SOX5: variants seen among roughly 807,000 people sequenced by gnomAD.
The protein encoded by SOX5 is SRY-box transcription factor 5.
In SOX5, 9 loss-of-function variants were observed where a neutral mutation model predicts 92.0. The ratio of observed to expected loss-of-function variants is 0.10; its 90% confidence interval spans 0.06 to 0.17. SOX5 has a LOEUF of 0.17. Among genes scored for constraint, SOX5 ranks in the 10% least tolerant of loss-of-function variants. The pLI is 1.00. For missense variants in SOX5, 642 were observed against 944.5 expected (o/e 0.68, Z 4.20); for synonymous variants, 344 against 336.3 (o/e 1.02, Z -0.25).
chr12:23,659,130 T>G (rs889069185), intron 7 of SOX5, among the ~76,000 whole-genome samples: 3 of 152,248 alleles, frequency 2.0e-5, no homozygotes, highest in Non-Finnish European at 4.4e-5. Context: ...CTGACACCGT[T>G]AAATCAGAAA....
rs1396929443 is a variant in SOX5, at chr12:24,088,489, A to C, written c.-2+124854T>G. 4.6e-5 allele frequency among the ~76,000 whole-genome samples: 7 copies of C among 152,066 alleles called. No homozygotes were observed. The East Asian group carries it at 1.3e-3, about 29-fold the overall frequency. ...TTTTCAATCAATAAAAGATAATAAA[A>C]TATTGATTGGTGAACAAGAGAAGCA... On this transcript the variant is annotated intron_variant, in intron 4 of 4. Coordinates refer to the SOX5 transcript ENST00000446891.
At chr12:23,944,197 T>C (rs1944158886) in intron 1 of SOX5, 1 of 152,102 alleles carries the variant, frequency 6.6e-6, no homozygotes, top group African/African-American at 2.4e-5. Flanking sequence ...CTTGTTTCGG[T>C]CTGGTCCTTC....
intron 1 of SOX5, among the ~76,000 whole-genome samples, chr12:24,505,487 T>C (rs1948630208): frequency 6.6e-6 from 1 of 152,178 alleles, no homozygotes; most frequent in Non-Finnish European, 1.5e-5. Flanking sequence ...ATACGGAACT[T>C]CTTTTGAATA....
chr12:23,762,351 T>C, intron 3 of SOX5: 1 of 343,146 alleles, frequency 2.9e-6, no homozygotes, highest in Non-Finnish European at 5.2e-6. Context: ...CGTACTTTGT[T>C]TGCACCTGTG....
chr12:23,884,283 A>G (rs1045177531), intron 2 of SOX5, among the ~76,000 whole-genome samples: 1 of 152,200 alleles, frequency 6.6e-6, no homozygotes, highest in East Asian at 1.9e-4. Context: ...TATCAAACGG[A>G]TCTTGGAATT....
At chr12:24,418,483 C>T (rs1444848464) in intron 1 of SOX5, among the ~76,000 whole-genome samples, 2 of 152,160 alleles carry the variant, frequency 1.3e-5, no homozygotes, top group Non-Finnish European at 2.9e-5. Flanking sequence ...GAAAACATTG[C>T]CTTACTGTTA....
At chr12:24,222,929 C>T (rs1292617222) in intron 3 of SOX5, among the ~76,000 whole-genome samples, 3 of 152,150 alleles carry the variant, frequency 2.0e-5, no homozygotes, top group African/African-American at 7.2e-5. Flanking sequence ...GAGACTAAGG[C>T]TGAACCTTGG....
At chr12:23,570,921 AAAAAAAAAAATATATAT>A (rs1300107059) in intron 10 of SOX5, among the ~76,000 whole-genome samples, 1 of 42,854 alleles carries the variant, frequency 2.3e-5, no homozygotes, top group East Asian at 6.2e-4. Flanking sequence ...AAAAAAAAAA[AAAAAAAAAAATATATAT>A]ATATATATAT....
At chr12:23,952,958 A>G (rs1385847717), upstream of SOX5, among the ~76,000 whole-genome samples, 3 of 152,170 alleles carry the variant, frequency 2.0e-5, no homozygotes, top group East Asian at 5.8e-4. Flanking sequence ...ATTTATAGTT[A>G]GATGAAAATC....
chr12:23,529,762 CTATGT>C lies in SOX5; in HGVS notation c.*4452_*4456del, dbSNP rs1938572254. 1 of 152,030 alleles carries C rather than the reference CTATGT, an allele frequency of 6.6e-6. No individual in the cohort carries two copies. The highest frequency in any genetic ancestry group is 1.5e-5 in the Non-Finnish European group (1 of 68,012). 9.4% of individuals were successfully genotyped at this position (152,030 alleles called of 1,614,324 possible). ...ATGAACAAAATATAAATCTATAACT[CTATGT>C]TATATTTACATAATTACTTATTATT... On this transcript the variant is annotated 3_prime_UTR_variant, in exon 15 of 15. Transcript: ENST00000451604.
chr12:23,661,745 G>C (rs889120038), intron 7 of SOX5, among the ~76,000 whole-genome samples: 1 of 152,152 alleles, frequency 6.6e-6, no homozygotes, highest in East Asian at 1.9e-4. Context: ...CAAATGGACT[G>C]TGTTCTTGGA....
At chr12:24,380,776 G>A (rs760870600) in intron 1 of SOX5, among the ~76,000 whole-genome samples, 5 of 152,058 alleles carry the variant, frequency 3.3e-5, no homozygotes, top group Non-Finnish European at 7.4e-5. Context: ...AGTAAACTGA[G>A]GAAAACCAAA....
At chr12:23,581,041 T>C (rs1282567841) in intron 9 of SOX5, among the ~76,000 whole-genome samples, 1 of 152,020 alleles carries the variant, frequency 6.6e-6, no homozygotes, top group Non-Finnish European at 1.5e-5. Context: ...AATATGTTAC[T>C]GTAACATAAT....
At chr12:24,125,839 T>G (rs565486829) in intron 4 of SOX5, among the ~76,000 whole-genome samples, 1 of 152,322 alleles carries the variant, frequency 6.6e-6, no homozygotes, top group African/African-American at 2.4e-5. Flanking sequence ...TTTTATTCTC[T>G]TCTCCACCCA....
intron 2 of SOX5, among the ~76,000 whole-genome samples, chr12:24,361,689 G>T (rs1184929480): frequency 6.6e-6 from 1 of 152,118 alleles, no homozygotes; most frequent in African/African-American, 2.4e-5. Context: ...AAATATACAG[G>T]TCTTGCATTT....
intron 8 of SOX5, among the ~76,000 whole-genome samples, chr12:23,613,773 C>A (rs2076237249): frequency 6.6e-6 from 1 of 152,114 alleles, no homozygotes; most frequent in East Asian, 1.9e-4. Flanking sequence ...CACCAAATAA[C>A]AAATATAGTA....
chr12:23,976,406 C>CAAAAAAAAA (rs869250917), intron 4 of SOX5, among the ~76,000 whole-genome samples: 265 of 37,678 alleles, frequency 7.0e-3, no homozygotes, highest in Middle Eastern at 0.025. Context: ...AACAAAAAAA[C>CAAAAAAAAA]AAAAAAAAAA....
chr12:24,266,793 C>A (rs1943077614), intron 3 of SOX5, among the ~76,000 whole-genome samples: 1 of 152,098 alleles, frequency 6.6e-6, no homozygotes, highest in African/African-American at 2.4e-5. Context: ...CTTAGATTTC[C>A]ATTTGTCTGC....
intron 1 of SOX5, among the ~76,000 whole-genome samples, chr12:24,513,048 A>G (rs1451456453): frequency 6.6e-6 from 1 of 152,206 alleles, no homozygotes; most frequent in Non-Finnish European, 1.5e-5. Flanking sequence ...GATATGTGGT[A>G]CCATACTCTC....
Sources: gnomAD v4.1 joint callset for allele counts (sites outside exome capture counted in the v4.1 genomes callset) on GRCh38, gnomAD v4.1.1 for gene constraint, MANE v1.5 for transcripts, NCBI Gene and HGNC (gene_info 2026-07-23, HGNC 2026-07-21) for gene names.